FAT1: variants seen among roughly 807,000 people sequenced by gnomAD.
FAT1 encodes FAT atypical cadherin 1, also known as protocadherin Fat 1.
FAT1 carries 171 observed loss-of-function variants against 329.8 expected under a neutral mutation model. The ratio of observed to expected loss-of-function variants is 0.52; its 90% CI spans 0.46 to 0.59. The LOEUF is 0.59. Ranked by LOEUF, FAT1 falls within the 20% of genes least tolerant of loss-of-function variation. The pLI is 0.00. For synonymous variants in FAT1, 2,233 were observed against 2,228.6 expected (o/e 1.00, Z -0.06); for missense variants, 5,672 against 5,774.4 (o/e 0.98, Z 0.57).
chr4:186,688,791 T>C (rs1237001108), intron 2 of FAT1, among the ~76,000 whole-genome samples: 1 of 151,990 alleles, frequency 6.6e-6, no homozygotes, highest in Non-Finnish European at 1.5e-5. Context: ...ATGAAACAGG[T>C]GTATCTGTGA....
intron 1 of FAT1, among the ~76,000 whole-genome samples, chr4:186,715,210 T>TTC (rs1459278124): frequency 1.3e-5 from 2 of 151,056 alleles, no homozygotes; most frequent in Non-Finnish European, 2.9e-5. Context: ...GCTTTGGCTG[T>TTC]TCTCTCCCCA....
At chr4:186,636,522 A>C (rs1292991782) in intron 5 of FAT1, 63 bp downstream of exon 5, 1 of 1,468,902 alleles carries the variant, frequency 6.8e-7, no homozygotes, top group Admixed American at 2.3e-5. Flanking sequence ...CTAAAGAAAA[A>C]ATACAAAATA....
intron 6 of FAT1, among the ~76,000 whole-genome samples, chr4:186,635,514 C>T (rs977429399): frequency 6.6e-6 from 1 of 152,184 alleles, no homozygotes; most frequent in East Asian, 1.9e-4. Context: ...AAACCCATAG[C>T]TGGTACCATA....
chr4:186,694,228 C>CA, intron 2 of FAT1, among the ~76,000 whole-genome samples: 1 of 152,332 alleles, frequency 6.6e-6, no homozygotes, highest in East Asian at 1.9e-4. Context: ...ACCTAACCAC[C>CA]ATCTCCCCAT....
rs913464729 is a variant in FAT1 at position 186,633,902 on chromosome 4, T to C, written c.4184-79A>G. Reference sequence around the variant, plus strand: ...TATTCTGTGGCTTTCTCATACTTAATGGCACTGAAAAATCTTCTAATATAC... The same window carrying C: ...TATTCTGTGGCTTTCTCATACTTAACGGCACTGAAAAATCTTCTAATATAC... On this transcript the variant is annotated intron_variant, in intron 6 of 26. Transcript: ENST00000441802. The C allele has an allele frequency of 2.6e-6, 4 of 1,514,648 alleles. No homozygotes were observed. In the African/African-American group the frequency reaches 4.1e-5, roughly 16 times the overall value. 93.8% of individuals were successfully genotyped at this position (1,514,648 alleles called of 1,614,324 possible).
chr4:186,663,601 G>T lies in FAT1; in HGVS notation c.3278C>A (p.Thr1093Lys). 1 of 1,607,740 alleles carries T rather than the reference G, an allele frequency of 6.2e-7. No homozygotes were observed. Reference protein sequence around the residue: ...KIGEETGVIETSDRLDRESTS... With the variant: ...KIGEETGVIEKSDRLDRESTS... ...CGATTCACGGTCCAGTCGATCTGAC[G>T]TCTCTATGACACCTACAGAGAAAAA... is the stretch of plus-strand genomic sequence containing the variant. The change falls in exon 3 of 27, where the codon ACG (threonine) becomes AAG (lysine). Residue 1093 changes from threonine (T) to lysine (K), a missense_variant. By Grantham distance (78) the Thr-to-Lys change is moderately conservative. This residue lies in a region of FAT1 where 3,966 missense variants were observed against 3,915.2 expected (regional missense o/e 1.01). Coordinates refer to ENST00000441802, the MANE Select transcript of FAT1 (RefSeq NM_005245.4).
chr4:186,662,414 A>T (rs888220931), intron 3 of FAT1, among the ~76,000 whole-genome samples: 1 of 152,198 alleles, frequency 6.6e-6, no homozygotes, highest in African/African-American at 2.4e-5. Context: ...TTTTGAGGTC[A>T]TGGAGCTATC....
intron 20 of FAT1, 35 bp downstream of exon 20, chr4:186,602,868 A>T (rs1738880332): frequency 6.4e-7 from 1 of 1,571,182 alleles, no homozygotes; most frequent in Admixed American, 1.9e-5. Flanking sequence ...ACCGATTTTT[A>T]AAAATAAAAG....
At chr4:186,702,444 C>T (rs1392035964) in intron 2 of FAT1, among the ~76,000 whole-genome samples, 2 of 152,124 alleles carry the variant, frequency 1.3e-5, no homozygotes, top group Non-Finnish European at 2.9e-5. Flanking sequence ...TGTATACTAA[C>T]ATTAACAGCC....
intron 2 of FAT1, among the ~76,000 whole-genome samples, chr4:186,687,658 T>C (rs327107): frequency 0.79 from 120,132 of 152,090 alleles, 48,245 homozygotes; most frequent in Non-Finnish European, 0.83. Flanking sequence ...ACTGGTATAA[T>C]GCGTATATCT....
chr4:186,713,806 G>C (rs1191192930), intron 1 of FAT1, among the ~76,000 whole-genome samples: 2 of 152,100 alleles, frequency 1.3e-5, no homozygotes, highest in East Asian at 3.9e-4. Context: ...TGTAGATTTA[G>C]ACTGACAGAA....
Position 186,628,529 on chromosome 4 carries a change from G to C in FAT1, c.4558C>G (p.Leu1520Val). The C allele has an allele frequency of 6.2e-7, 1 of 1,614,008 alleles. No homozygotes were observed. Among genetic ancestry groups the C allele is most frequent in the African/African-American group, 1.3e-5 (1 of 75,040 alleles). Residue 1520 changes from leucine to valine, a missense_variant, in exon 8 of 27, where the codon CTG becomes GTG. Transcript: ENST00000441802. The stretch of plus-strand genomic sequence containing the variant: ...TGCTGGTGAACAGCTTCATGATCCA[G>C]TTTCTCAGAAGTATAGAGAGAGCCG... Reference protein sequence around the residue: ...ATGSLYTSEKLDHEAVHQHTL... With the variant: ...ATGSLYTSEKVDHEAVHQHTL...
rs2126512949 is a variant in FAT1, at chr4:186,620,155, T to A, written c.6431A>T (p.Asp2144Val). 1 of 1,614,044 alleles carries A rather than the reference T, an allele frequency of 6.2e-7. No individual in the cohort carries two copies. Among genetic ancestry groups the A allele is most frequent in the South Asian group, 1.1e-5 (1 of 91,080 alleles). The change falls in exon 10 of 27, where the codon GAC becomes GTC. Residue 2144 changes from aspartate to valine, a missense_variant. Asp to Val is a radical substitution (Grantham distance 152). Transcript: ENST00000441802. ...EISLKKQFEL[D>V]TLNKEYLVTV... ...AACAAGATATTCTTTATTTAAGGTG[T>A]CAAGCTCAAATTGCTTTTTCAGTGA...
At position 186,600,221 on chromosome 4, in the gene FAT1, A is replaced by G. The variant is rs772301580; in HGVS notation, c.11780T>C (p.Leu3927Pro). 5 of 1,614,078 alleles carry G rather than the reference A, an allele frequency of 3.1e-6. No individual in the cohort carries two copies. The highest frequency in any genetic ancestry group is 4.2e-6 in the Non-Finnish European group (5 of 1,179,898). Reference sequence around the variant, plus strand: ...GCCCGATGCAGTATGAACTTGGTCTAGAACCAAGCGAGCATAGTTTCCATT... The same window carrying G: ...GCCCGATGCAGTATGAACTTGGTCTGGAACCAAGCGAGCATAGTTTCCATT... The part of the protein sequence containing the change: ...EVNGNYARLV[L>P]DQVHTASGTA... The change falls in exon 22 of 27, where the codon CTA becomes CCA. Residue 3927 changes from leucine to proline, a missense_variant. By Grantham distance (98) the Leu-to-Pro change is moderately conservative (BLOSUM62 -3). This residue lies in a region of FAT1 where 1,706 missense variants were observed against 1,859.1 expected (regional missense o/e 0.92). Transcript: ENST00000441802.
rs778872426 is a variant in FAT1 at position 186,621,383 on chromosome 4, A to G, written c.5203T>C (p.Leu1735=). Residue 1735 remains leucine (L), a synonymous_variant, in exon 10 of 27, where the codon TTG becomes CTG. Transcript: ENST00000441802. ...LDFETLPIYT[L]IIQGTNMAGL... ...GCCATGTTAGTTCCTTGTATTATCA[A>G]TGTGTAAATGGGCAAAGTTTCAAAG... is the stretch of plus-strand genomic sequence containing the variant. The G allele has an allele frequency of 1.2e-6, 2 of 1,614,000 alleles. No homozygotes were observed. The highest frequency in any genetic ancestry group is 1.7e-6 in the Non-Finnish European group (2 of 1,179,892).
In FAT1 at chr4:186,613,228, A is replaced by T. The variant is rs756909611; in HGVS notation, c.9344T>A (p.Leu3115Gln). 2.5e-6 allele frequency: 4 copies of T among 1,613,614 alleles called. No individual in the cohort carries two copies. Among genetic ancestry groups the T allele is most frequent in the Non-Finnish European group, 2.5e-6 (3 of 1,179,556 alleles). The change falls in exon 13 of 27, where the codon CTA becomes CAA. Residue 3115 changes from leucine to glutamine, a missense_variant. This residue lies in a region of FAT1 where 3,966 missense variants were observed against 3,915.2 expected (regional missense o/e 1.01). Coordinates refer to ENST00000441802, the MANE Select transcript of FAT1 (RefSeq NM_005245.4). ...GGGGGCGTTATCGTTCACATCTTCTAGCGTGAGCACAATACTGGCTTGGCA... is the reference window on the plus strand; with the variant it reads ...GGGGGCGTTATCGTTCACATCTTCTTGCGTGAGCACAATACTGGCTTGGCA... ...RFCQASIVLT[L>Q]EDVNDNAPEF... is the part of the protein sequence containing the mutation.
At chr4:186,677,910 A>G (rs1743029406) in intron 2 of FAT1, among the ~76,000 whole-genome samples, 1 of 152,188 alleles carries the variant, frequency 6.6e-6, no homozygotes, top group African/African-American at 2.4e-5. Context: ...ATGTATCTAC[A>G]TTACTAAAAA....
At chr4:186,672,594 T>C (rs78556102) in intron 2 of FAT1, among the ~76,000 whole-genome samples, 4,838 of 152,240 alleles carry the variant, frequency 0.032, 286 homozygotes, top group African/African-American at 0.11. Flanking sequence ...ACTCAAGATA[T>C]AGCAGAGAAG....
rs2126509779 is a variant in FAT1, at chr4:186,619,850, C to T, written c.6736G>A (p.Ala2246Thr). 11 of 1,613,948 alleles carry T rather than the reference C, an allele frequency of 6.8e-6. No individual in the cohort carries two copies. Among genetic ancestry groups the T allele is most frequent in the Non-Finnish European group, 9.3e-6 (11 of 1,179,888 alleles). The change falls in exon 10 of 27, where the codon GCC becomes ACC. Residue 2246 changes from alanine to threonine, a missense_variant. By Grantham distance (58) the Ala-to-Thr change is moderately conservative (BLOSUM62 0). This residue lies in a region of FAT1 where 3,966 missense variants were observed against 3,915.2 expected (regional missense o/e 1.01). Coordinates refer to ENST00000441802, the MANE Select transcript of FAT1 (RefSeq NM_005245.4). The stretch of plus-strand genomic sequence containing the variant: ...ATGCTCAGCTTATATGCCGGGTGGG[C>T]CTCAAAGTCCAGAGGAGCTATGACA... ...INVIAPLDFE[A>T]HPAYKLSIRA...
Sources: allele counts gnomAD v4.1 joint callset (sites outside exome capture counted in the v4.1 genomes callset), GRCh38; gene constraint gnomAD v4.1.1; regional missense constraint gnomAD v4.1.1; transcripts MANE v1.5; gene names NCBI Gene and HGNC (gene_info 2026-07-23, HGNC 2026-07-21).